Variants in DYNC1I1 observed in about 807,000 individuals in gnomAD.
DYNC1I1 encodes dynein cytoplasmic 1 intermediate chain 1.
In DYNC1I1, 43 loss-of-function variants were observed where a neutral mutation model predicts 86.6. The observed-to-expected ratio is 0.50, with a 90% confidence interval of 0.39 to 0.64. DYNC1I1 has a LOEUF of 0.64. Ranked by LOEUF, DYNC1I1 falls within the 30% of genes least tolerant of loss-of-function variation. DYNC1I1 has a pLI of 0.00. For missense variants in DYNC1I1, 604 were observed against 788.8 expected (o/e 0.77, Z 2.81); for synonymous variants, 262 against 283.7 (o/e 0.92, Z 0.77).
chr7:95,913,429 T>C (rs1016552010), intron 6 of DYNC1I1, among the ~76,000 whole-genome samples: 2 of 152,136 alleles, frequency 1.3e-5, no homozygotes, highest in Non-Finnish European at 2.9e-5. Flanking sequence ...GTGCCATGGA[T>C]GGGACCCTGT....
At chr7:95,928,389 A>G (rs1791801225) in intron 6 of DYNC1I1, among the ~76,000 whole-genome samples, 1 of 152,198 alleles carries the variant, frequency 6.6e-6, no homozygotes. Flanking sequence ...AGAGTGCTGT[A>G]AGTTTTAAAG....
intron 6 of DYNC1I1, among the ~76,000 whole-genome samples, chr7:95,948,082 G>A (rs781345487): frequency 1.3e-5 from 2 of 150,638 alleles, no homozygotes; most frequent in Non-Finnish European, 2.9e-5. Flanking sequence ...GACCAACAGT[G>A]GGCGAGTAAG....
chr7:96,084,125 C>T (rs758499279), intron 16 of DYNC1I1, among the ~76,000 whole-genome samples: 6 of 151,816 alleles, frequency 4.0e-5, no homozygotes, highest in Non-Finnish European at 5.9e-5. Flanking sequence ...GTGAGGCTGT[C>T]TTGAAGAGTA....
chr7:95,851,402 A>G (rs1789575158), intron 5 of DYNC1I1, among the ~76,000 whole-genome samples: 1 of 152,158 alleles, frequency 6.6e-6, no homozygotes, highest in Non-Finnish European at 1.5e-5. Context: ...GTGCAATTTA[A>G]AACTTATGAA....
chr7:96,044,881 T>C (rs943084436), intron 14 of DYNC1I1, among the ~76,000 whole-genome samples: 1 of 152,104 alleles, frequency 6.6e-6, no homozygotes, highest in East Asian at 1.9e-4. Context: ...GTGGGTCCAG[T>C]TGCGGTCAGA....
chr7:95,981,005 T>A (rs568340425), intron 7 of DYNC1I1, among the ~76,000 whole-genome samples: 1 of 152,268 alleles, frequency 6.6e-6, no homozygotes, highest in African/African-American at 2.4e-5. Context: ...CCTGGCTACA[T>A]GGGTTTTATT....
intron 16 of DYNC1I1, among the ~76,000 whole-genome samples, chr7:96,081,071 A>C (rs1790504553): frequency 8.2e-6 from 1 of 122,572 alleles, no homozygotes; most frequent in Non-Finnish European, 1.7e-5. Flanking sequence ...CCATCTCAAA[A>C]AAAAAAGAAA....
intron 16 of DYNC1I1, among the ~76,000 whole-genome samples, chr7:96,103,801 AC>A (rs1352804414): frequency 6.6e-6 from 1 of 152,026 alleles, no homozygotes; most frequent in South Asian, 2.1e-4. Flanking sequence ...TTTAGTAGAG[AC>A]GGGGTTTTAC....
At chr7:95,862,152 T>A (rs1292402906) in intron 5 of DYNC1I1, among the ~76,000 whole-genome samples, 1 of 152,170 alleles carries the variant, frequency 6.6e-6, no homozygotes, top group Admixed American at 6.5e-5. Flanking sequence ...ATGATTTTTT[T>A]AGATATGTTA....
intron 1 of DYNC1I1, among the ~76,000 whole-genome samples, chr7:95,796,257 GCAAGTGAGAAATCTTTCACA>G (rs1261215844): frequency 6.6e-6 from 1 of 152,116 alleles, no homozygotes; most frequent in Non-Finnish European, 1.5e-5. Flanking sequence ...CCTGGCTTAG[GCAAGTGAGAAATCTTTCACA>G]CATTGTTCTA....
intron 6 of DYNC1I1, among the ~76,000 whole-genome samples, chr7:95,940,161 A>G (rs1301243867): frequency 6.6e-6 from 1 of 152,322 alleles, no homozygotes; most frequent in East Asian, 1.9e-4. Flanking sequence ...TTCTGCCGAG[A>G]GATCCGCTGT....
chr7:95,911,332 T>A (rs1181100491), intron 6 of DYNC1I1, among the ~76,000 whole-genome samples: 3 of 152,076 alleles, frequency 2.0e-5, no homozygotes, highest in Non-Finnish European at 4.4e-5. Context: ...GAGGAAGGCA[T>A]TCAGATTCTG....
intron 5 of DYNC1I1, among the ~76,000 whole-genome samples, chr7:95,854,128 T>G (rs1354180781): frequency 1.3e-5 from 2 of 152,178 alleles, no homozygotes; most frequent in African/African-American, 4.8e-5. Flanking sequence ...TTTAATCCAT[T>G]TATATTCAAG....
At chr7:95,900,307 C>A (rs1463312094) in intron 6 of DYNC1I1, among the ~76,000 whole-genome samples, 3 of 152,150 alleles carry the variant, frequency 2.0e-5, no homozygotes, top group Non-Finnish European at 2.9e-5. Flanking sequence ...TGCAAAACAA[C>A]CCATACAAGA....
chr7:95,851,372 A>T (rs569175907), intron 5 of DYNC1I1, among the ~76,000 whole-genome samples: 2 of 152,098 alleles, frequency 1.3e-5, no homozygotes, highest in Admixed American at 1.3e-4. Context: ...GCAAGATTTT[A>T]TCATGCTATT....
chr7:95,987,718 A>G (rs1464171144), intron 9 of DYNC1I1, among the ~76,000 whole-genome samples: 2 of 151,994 alleles, frequency 1.3e-5, no homozygotes, highest in Non-Finnish European at 2.9e-5. Context: ...CTCCCGCCCA[A>G]TCTCCCTGCT....
chr7:95,838,333 G>A (rs933029939), intron 5 of DYNC1I1, among the ~76,000 whole-genome samples: 3 of 152,060 alleles, frequency 2.0e-5, no homozygotes, highest in African/African-American at 7.2e-5. Flanking sequence ...TCTGTATTAT[G>A]GAAAATTAGT....
chr7:95,915,799 T>C (rs1251453942), intron 6 of DYNC1I1, among the ~76,000 whole-genome samples: 5 of 152,222 alleles, frequency 3.3e-5, no homozygotes, highest in African/African-American at 4.8e-5. Context: ...AAAAAAATTT[T>C]AGTTGTTTGC....
intron 14 of DYNC1I1, among the ~76,000 whole-genome samples, chr7:96,047,715 G>A (rs1789259963): frequency 6.6e-6 from 1 of 152,140 alleles, no homozygotes; most frequent in South Asian, 2.1e-4. Flanking sequence ...CCAGGCCAAG[G>A]AAGGATTTTA....
Sources: gnomAD v4.1 joint callset for allele counts (sites outside exome capture counted in the v4.1 genomes callset) on GRCh38, gnomAD v4.1.1 for gene constraint, MANE v1.5 for transcripts, NCBI Gene and HGNC (gene_info 2026-07-23, HGNC 2026-07-21) for gene names.